The following CADM2 variants were observed in gnomAD, a reference collection of about 807,000 sequenced individuals.
CADM2 encodes the protein cell adhesion molecule 2.
In CADM2, 12 loss-of-function variants were observed where a neutral mutation model predicts 49.8. The ratio of observed to expected loss-of-function variants is 0.24; its 90% CI spans 0.15 to 0.39. CADM2 has a LOEUF of 0.39. Among genes scored for constraint, CADM2 ranks in the 10% least tolerant of loss-of-function variants. CADM2 has a pLI of 1.00. For missense variants in CADM2, 378 were observed against 492.3 expected, an observed-to-expected ratio of 0.77 and a Z score of 2.20; for synonymous variants, 214 against 175.4, an observed-to-expected ratio of 1.22 and a Z score of -1.74.
intron 3 of CADM2, among the ~76,000 whole-genome samples, chr3:85,844,662 T>G (rs1298217597): frequency 6.6e-6 from 1 of 152,182 alleles, no homozygotes. Flanking sequence ...GAAAAGCAAG[T>G]TCCAAATGTA....
intron 1 of CADM2, among the ~76,000 whole-genome samples, chr3:85,498,515 G>A (rs896003770): frequency 6.6e-6 from 1 of 152,154 alleles, no homozygotes; most frequent in Non-Finnish European, 1.5e-5. Context: ...GTGAACTCGA[G>A]ATTGCATCTG....
At chr3:85,397,753 T>C (rs73845484) in intron 1 of CADM2, among the ~76,000 whole-genome samples, 1,764 of 152,262 alleles carry the variant, frequency 0.012, 38 homozygotes, top group African/African-American at 0.04. Flanking sequence ...AGTTATGGTT[T>C]ATTGGGTACA....
intron 3 of CADM2, among the ~76,000 whole-genome samples, chr3:85,850,593 G>C (rs1339289915): frequency 2.6e-5 from 4 of 152,034 alleles, no homozygotes; most frequent in Admixed American, 6.6e-5. Context: ...CTCCCAAAGT[G>C]CTGGGATTAC....
intron 1 of CADM2, among the ~76,000 whole-genome samples, chr3:85,376,214 A>G (rs147504003): frequency 1.3e-5 from 2 of 152,240 alleles, no homozygotes; most frequent in East Asian, 3.9e-4. Flanking sequence ...AATTACATGC[A>G]TGTTACCAAA....
chr3:85,947,383 G>T (rs1258847919), intron 7 of CADM2, among the ~76,000 whole-genome samples: 1 of 151,552 alleles, frequency 6.6e-6, no homozygotes, highest in African/African-American at 2.4e-5. Flanking sequence ...ATTGGGATGT[G>T]TATGTGTGTG....
Position 85,273,586 on chromosome 3 carries a change from AC to A in CADM2, c.61+313926del, listed in dbSNP as rs147347174. ...GAACGAAATATTAAAGCGAAGGAGG[AC>A]CCCCCCCAAATTTTGATCTGAGCAC... On this transcript the variant is annotated intron_variant, in intron 1 of 9. Coordinates refer to ENST00000383699, the MANE Select transcript of CADM2 (RefSeq NM_001167675.2). 6.3e-3 allele frequency among the ~76,000 whole-genome samples: 941 copies of A among 149,938 alleles called. 13 individuals carry two copies. Among genetic ancestry groups the A allele is most frequent in the African/African-American group, 0.021 (861 of 40,984 alleles).
chr3:85,099,755 C>T (rs1015637645), intron 1 of CADM2, among the ~76,000 whole-genome samples: 1 of 152,186 alleles, frequency 6.6e-6, no homozygotes, highest in African/African-American at 2.4e-5. Context: ...CAGGCATGAG[C>T]CACCGCGCCT....
chr3:85,333,926 G>T (rs138196956), intron 1 of CADM2, among the ~76,000 whole-genome samples: 4 of 151,666 alleles, frequency 2.6e-5, no homozygotes, highest in Non-Finnish European at 4.4e-5. Context: ...AAATCTTACC[G>T]TGTACAATTC....
intron 1 of CADM2, among the ~76,000 whole-genome samples, chr3:85,035,642 G>T (rs565020657): frequency 5.9e-4 from 90 of 151,986 alleles, no homozygotes; most frequent in African/African-American, 2.1e-3. Flanking sequence ...CTACATGTGG[G>T]TATCCTTTTT....
intron 2 of CADM2, among the ~76,000 whole-genome samples, chr3:85,787,237 C>A (rs2071045806): frequency 6.6e-6 from 1 of 152,036 alleles, no homozygotes; most frequent in South Asian, 2.1e-4. Context: ...GATAACAATC[C>A]TGTTTTATAC....
At chr3:85,540,068 A>G (rs926959181) in intron 1 of CADM2, among the ~76,000 whole-genome samples, 2 of 152,116 alleles carry the variant, frequency 1.3e-5, no homozygotes, top group African/African-American at 2.4e-5. Context: ...TGATAAATCT[A>G]TTCTCCCGTA....
intron 1 of CADM2, among the ~76,000 whole-genome samples, chr3:84,959,930 A>G (rs974042336): frequency 2.0e-5 from 3 of 151,776 alleles, no homozygotes; most frequent in Admixed American, 6.6e-5. Flanking sequence ...AGCTTCCTTC[A>G]TCTCACTCCA....
intron 1 of CADM2, among the ~76,000 whole-genome samples, chr3:85,035,707 CT>C (rs1553673071): frequency 6.6e-6 from 1 of 151,962 alleles, no homozygotes; most frequent in Non-Finnish European, 1.5e-5. Context: ...GTTTTTTGCA[CT>C]TTTGTCAAAA....
At chr3:85,644,782 G>A (rs1000102053) in intron 1 of CADM2, among the ~76,000 whole-genome samples, 7 of 152,108 alleles carry the variant, frequency 4.6e-5, no homozygotes, top group African/African-American at 1.7e-4. Flanking sequence ...ACAGTAGTAT[G>A]TATTTTAATA....
intron 8 of CADM2, among the ~76,000 whole-genome samples, chr3:85,996,916 C>G (rs35772683): frequency 0.3 from 46,312 of 152,024 alleles, 8,328 homozygotes; most frequent in Admixed American, 0.39. Context: ...CCTGTTCTTA[C>G]ACTTCTTCAT....
chr3:85,544,602 A>T (rs1576767028), intron 1 of CADM2, among the ~76,000 whole-genome samples: 1 of 152,262 alleles, frequency 6.6e-6, no homozygotes, highest in East Asian at 1.9e-4. Flanking sequence ...AAAATAAAAA[A>T]AAGAGGAAAA....
chr3:85,670,860 T>G (rs1278004168), intron 1 of CADM2, among the ~76,000 whole-genome samples: 1 of 152,156 alleles, frequency 6.6e-6, no homozygotes, highest in Non-Finnish European at 1.5e-5. Flanking sequence ...GGCCTTATTC[T>G]TTCTGTATTT....
chr3:85,706,715 G>T (rs1009744414), intron 1 of CADM2, among the ~76,000 whole-genome samples: 1 of 152,116 alleles, frequency 6.6e-6, no homozygotes, highest in Non-Finnish European at 1.5e-5. Flanking sequence ...TAAGTTGGTA[G>T]AAGGAGAGAA....
At chr3:85,821,899 A>G (rs1169224630) in intron 3 of CADM2, among the ~76,000 whole-genome samples, 1 of 152,200 alleles carries the variant, frequency 6.6e-6, no homozygotes, top group Admixed American at 6.5e-5. Context: ...AAATGTATGT[A>G]TTTGTTGAGT....
Sources: allele counts gnomAD v4.1 joint callset (sites outside exome capture counted in the v4.1 genomes callset), GRCh38; gene constraint gnomAD v4.1.1; transcripts MANE v1.5; gene names NCBI Gene and HGNC (gene_info 2026-07-23, HGNC 2026-07-21).